CFAP54: variants seen among roughly 807,000 people sequenced by gnomAD.
CFAP54 encodes cilia- and flagella-associated protein 54.
In CFAP54, 290 loss-of-function variants were observed where a neutral mutation model predicts 370.4. The ratio of observed to expected loss-of-function variants is 0.78; its 90% CI spans 0.71 to 0.86. The LOEUF is 0.86. Ranked by LOEUF, CFAP54 falls within the 40% of genes least tolerant of loss-of-function variation. The pLI is 0.00. For synonymous variants in CFAP54, 1,206 were observed against 1,236.5 expected (o/e 0.98, Z 0.52); for missense variants, 3,399 against 3,528.7 (o/e 0.96, Z 0.93).
chr12:96,625,638 T>C (rs752688251), intron 28 of CFAP54, 80 bp from the exon 29 acceptor site: 15 of 779,232 alleles, frequency 1.9e-5, no homozygotes, highest in Non-Finnish European at 2.8e-5. Flanking sequence ...TTTTAAAGAA[T>C]TGTTATTGTG....
At chr12:96,863,219 C>T (rs1959921332) in intron 67 of CFAP54, among the ~76,000 whole-genome samples, 1 of 151,678 alleles carries the variant, frequency 6.6e-6, no homozygotes, top group Non-Finnish European at 1.5e-5. Flanking sequence ...AAAGATGGCA[C>T]TATGGAGTTC....
intron 19 of CFAP54, among the ~76,000 whole-genome samples, chr12:96,569,359 G>C (rs1299276397): frequency 6.6e-6 from 1 of 152,188 alleles, no homozygotes; most frequent in East Asian, 1.9e-4. Context: ...GTCTTGAGTA[G>C]AGGGATACAA....
At chr12:96,703,699 A>T (rs1460967802) in intron 46 of CFAP54, among the ~76,000 whole-genome samples, 2 of 152,198 alleles carry the variant, frequency 1.3e-5, no homozygotes, top group Non-Finnish European at 1.5e-5. Flanking sequence ...ATTTATTCTG[A>T]TAGCAATACA....
Position 96,621,675 on chromosome 12 carries a change from A to C in CFAP54, c.3725A>C (p.Lys1242Thr). 2 of 1,529,586 alleles carry C rather than the reference A, an allele frequency of 1.3e-6. No homozygotes were observed. Among genetic ancestry groups the C allele is most frequent in the Non-Finnish European group, 1.7e-6 (2 of 1,143,104 alleles). The allele number at this position is 1,529,586 out of a possible 1,614,324, so 94.8% of individuals were successfully genotyped here. ...KKMLDITPGC[K>T]SLFDGSNEQE... Reference sequence around the variant, plus strand: ...ATGTTGGACATCACACCAGGATGCAAGTCTCTGTTTGATGGTAGTAATGAA... The same window carrying C: ...ATGTTGGACATCACACCAGGATGCACGTCTCTGTTTGATGGTAGTAATGAA... Residue 1242 changes from lysine to threonine, a missense_variant, in exon 27 of 68, where the codon AAG becomes ACG. Around this residue, in one of 3 missense-constraint regions of CFAP54, gnomAD observed 2,796 missense variants for 2,869.7 expected, o/e 0.97. Transcript: ENST00000524981.
At chr12:96,617,211 G>A (rs1193589597) in intron 26 of CFAP54, among the ~76,000 whole-genome samples, 1 of 152,138 alleles carries the variant, frequency 6.6e-6, no homozygotes, top group Non-Finnish European at 1.5e-5. Flanking sequence ...ATTGAATTTT[G>A]GAGTCGATAG....
intron 17 of CFAP54, among the ~76,000 whole-genome samples, chr12:96,556,129 TA>T (rs200844526): frequency 1.5e-4 from 22 of 149,272 alleles, no homozygotes; most frequent in Middle Eastern, 3.5e-3. Flanking sequence ...GAGTTAAATG[TA>T]AAAAAAAAAT....
chr12:96,753,435 T>C lies in CFAP54; in HGVS notation c.7685-308T>C, dbSNP rs560317070. Reference sequence around the variant, plus strand: ...TATTAACAACTTCATCTTAGCAGCATGAAAGTTGTTCTGTAGAGCATTGTG... The same window carrying C: ...TATTAACAACTTCATCTTAGCAGCACGAAAGTTGTTCTGTAGAGCATTGTG... On this transcript the variant is annotated intron_variant, in intron 55 of 67. Transcript: ENST00000524981. Among the ~76,000 whole-genome samples the C allele has an allele frequency of 6.6e-5, 10 of 152,278 alleles. No homozygotes were observed. The South Asian group carries it at 2.1e-3, about 32-fold the overall frequency.
chr12:96,635,425 T>C (rs1431123901), intron 32 of CFAP54, among the ~76,000 whole-genome samples: 2 of 152,260 alleles, frequency 1.3e-5, no homozygotes, highest in Non-Finnish European at 2.9e-5. Context: ...TTTTTGCTCA[T>C]ACCACTCACT....
Position 96,533,976 on chromosome 12 carries a change from AAT to A in CFAP54, c.1539+8_1539+9del. The stretch of plus-strand genomic sequence containing the variant: ...TACATCTTATTTATTTTCTCCAGGT[AAT>A]ATATGCAAAATTATCCTCCTGGTTT... On this transcript the variant is annotated splice_donor_5th_base_variant and intron_variant, in intron 10 of 67. Transcript: ENST00000524981. 6.6e-7 allele frequency: 1 copy of A among 1,506,704 alleles called. No homozygotes were observed. Among genetic ancestry groups the A allele is most frequent in the Non-Finnish European group, 8.8e-7 (1 of 1,137,198 alleles). 93.3% of individuals were successfully genotyped at this position (1,506,704 alleles called of 1,614,324 possible).
intron 6 of CFAP54, 70 bp downstream of exon 6, chr12:96,519,141 C>T: frequency 1.4e-6 from 2 of 1,442,772 alleles, no homozygotes; most frequent in Non-Finnish European, 9.3e-7. Flanking sequence ...CTTTGTTGCC[C>T]AGGCTGGAGT....
At chr12:96,704,543 T>C (rs1957528017) in intron 46 of CFAP54, among the ~76,000 whole-genome samples, 200 bp from the exon 47 acceptor site, 1 of 141,812 alleles carries the variant, frequency 7.1e-6, no homozygotes, top group African/African-American at 2.6e-5. Context: ...AAACATCAAA[T>C]ATTAACATTG....
intron 42 of CFAP54, 21 bp from the exon 43 acceptor site, chr12:96,688,895 T>G (rs769017491): frequency 6.8e-7 from 1 of 1,470,700 alleles, no homozygotes; most frequent in Non-Finnish European, 9.3e-7. Flanking sequence ...TAATCAATTT[T>G]TTTTTCTTAT....
chr12:96,550,914 G>T (rs1856046476), intron 15 of CFAP54, among the ~76,000 whole-genome samples: 1 of 152,212 alleles, frequency 6.6e-6, no homozygotes, highest in African/African-American at 2.4e-5. Context: ...GGTTGGAAAG[G>T]AGACTCATAT....
intron 47 of CFAP54, among the ~76,000 whole-genome samples, chr12:96,706,568 G>T (rs563414751): frequency 6.6e-6 from 1 of 152,156 alleles, no homozygotes; most frequent in Non-Finnish European, 1.5e-5. Context: ...AGAAGGGGTT[G>T]TAGGGCCATT....
At chr12:96,676,034 A>G (rs574630911) in intron 39 of CFAP54, among the ~76,000 whole-genome samples, 49 of 152,162 alleles carry the variant, frequency 3.2e-4, no homozygotes, top group African/African-American at 1.1e-3. Flanking sequence ...ACATGTATAC[A>G]TATGTAACAA....
chr12:96,687,259 G>A (rs951316331), intron 42 of CFAP54, among the ~76,000 whole-genome samples: 6 of 152,078 alleles, frequency 3.9e-5, no homozygotes, highest in Non-Finnish European at 5.9e-5. Context: ...TCACATCTGC[G>A]AAGACTTTGT....
At chr12:96,839,703 G>A (rs778988827) in intron 66 of CFAP54, among the ~76,000 whole-genome samples, 10 of 152,240 alleles carry the variant, frequency 6.6e-5, no homozygotes, top group Non-Finnish European at 1.3e-4. Flanking sequence ...ACATGAGGTG[G>A]TTTGGCTGAG....
chr12:96,672,751 T>A lies in CFAP54; in HGVS notation c.5564-6849T>A, dbSNP rs545128833. ...CTACTTTGGGATCCATAACTCAAAA[T>A]GTGATTTATGTTATCCCTTCCATCT... On this transcript the variant is annotated intron_variant, in intron 39 of 67. Coordinates refer to ENST00000524981, the MANE Select transcript of CFAP54 (RefSeq NM_001306084.2). 2.6e-5 allele frequency among the ~76,000 whole-genome samples: 4 copies of A among 152,322 alleles called. No individual in the cohort carries two copies. In the East Asian group the frequency reaches 7.7e-4, roughly 29 times the overall value.
Position 96,656,114 on chromosome 12 carries a change from A to G in CFAP54, c.5101-1768A>G, listed in dbSNP as rs184226340. On this transcript the variant is annotated intron_variant, in intron 36 of 67. Coordinates refer to ENST00000524981, the MANE Select transcript of CFAP54 (RefSeq NM_001306084.2). Reference sequence around the variant, plus strand: ...AAGTGTTAGAACTTTTCTTTAATAAAAAGTTTTTAAAAAATCACACATGGC... The same window carrying G: ...AAGTGTTAGAACTTTTCTTTAATAAGAAGTTTTTAAAAAATCACACATGGC... Among the ~76,000 whole-genome samples the G allele has an allele frequency of 3.1e-3, 477 of 152,270 alleles. 4 individuals are homozygous for G. Among genetic ancestry groups the G allele is most frequent in the African/African-American group, 0.011 (451 of 41,558 alleles).
Sources: gnomAD v4.1 joint callset for allele counts (sites outside exome capture counted in the v4.1 genomes callset) on GRCh38, gnomAD v4.1.1 for gene constraint, gnomAD v4.1.1 regional missense constraint, MANE v1.5 for transcripts, NCBI Gene and HGNC (gene_info 2026-07-23, HGNC 2026-07-21) for gene names.